Variants in GTF3C3 observed in about 807,000 individuals in gnomAD.
The protein encoded by GTF3C3 is general transcription factor IIIC subunit 3.
In GTF3C3, 75 loss-of-function variants were observed where a neutral mutation model predicts 105.2. The ratio of observed to expected loss-of-function variants is 0.71; its 90% CI spans 0.59 to 0.86. GTF3C3 has a LOEUF of 0.86. GTF3C3 is among the 40% of genes least tolerant of loss of function. The pLI, the probability that GTF3C3 is intolerant of heterozygous loss-of-function variation, is 0.00. For missense variants in GTF3C3, 856 were observed against 1,076.5 expected, an observed-to-expected ratio of 0.80 and a Z score of 2.87; for synonymous variants, 335 against 370.4, an observed-to-expected ratio of 0.90 and a Z score of 1.10.
intron 16 of GTF3C3, among the ~76,000 whole-genome samples, chr2:196,769,502 AG>A (rs1238985508): frequency 1.3e-5 from 2 of 152,238 alleles, no homozygotes; most frequent in Non-Finnish European, 2.9e-5. Context: ...AGAACCACAA[AG>A]AAAATTTTAA....
rs115269070 is a variant in GTF3C3 at position 196,780,908 on chromosome 2, C to T, written c.1115-246G>A. 0.032 allele frequency: 10,185 copies of T among 316,132 alleles called. 266 individuals are homozygous for T. Among genetic ancestry groups the T allele is most frequent in the Non-Finnish European group, 0.037 (6,419 of 174,960 alleles). 19.6% of individuals were successfully genotyped at this position (316,132 alleles called of 1,614,324 possible). ...TACTTTCACACCTTCTACTAAACTA[C>T]GGAGAACTAAAAAGACAAAAATAAT... On this transcript the variant is annotated intron_variant, in intron 8 of 17. Coordinates refer to ENST00000263956, the MANE Select transcript of GTF3C3 (RefSeq NM_012086.5).
chr2:196,765,283 A>C (rs1024737754), intron 17 of GTF3C3, among the ~76,000 whole-genome samples: 3 of 152,154 alleles, frequency 2.0e-5, no homozygotes, highest in Non-Finnish European at 4.4e-5. Context: ...CTATGTTTCT[A>C]ATCTTCCCCA....
At chr2:196,765,511 T>C (rs560639499) in intron 17 of GTF3C3, among the ~76,000 whole-genome samples, 34 of 151,308 alleles carry the variant, frequency 2.2e-4, no homozygotes, top group African/African-American at 7.5e-4. Context: ...GAGTAAACAA[T>C]AGTGTTTTTA....
At chr2:196,779,130 C>CA in intron 9 of GTF3C3, 63 bp from the exon 10 acceptor site, 24 of 1,037,408 alleles carry the variant, frequency 2.3e-5, no homozygotes, top group South Asian at 3.2e-5. Flanking sequence ...CTATCTATAG[C>CA]TTTTTTTTTT....
At chr2:196,769,046 A>G (rs1699122767) in intron 16 of GTF3C3, among the ~76,000 whole-genome samples, 1 of 152,190 alleles carries the variant, frequency 6.6e-6, no homozygotes, top group Non-Finnish European at 1.5e-5. Context: ...TTTGAGGAAA[A>G]GGTAGATAAG....
At chr2:196,785,660 T>C in intron 6 of GTF3C3, 72 bp from the exon 7 acceptor site, 1 of 851,960 alleles carries the variant, frequency 1.2e-6, no homozygotes, top group Non-Finnish European at 1.9e-6. Context: ...TTGCTTAGGC[T>C]ATCTAACAAT....
At chr2:196,793,413 C>T (rs1178240581) in intron 2 of GTF3C3, among the ~76,000 whole-genome samples, 1 of 152,052 alleles carries the variant, frequency 6.6e-6, no homozygotes, top group Non-Finnish European at 1.5e-5. Flanking sequence ...CAGAAGCACA[C>T]ACAATAATAC....
rs534526730 is a variant in GTF3C3, at chr2:196,763,885, G to A, written c.*678C>T. ...CTTATATTACTTGTGATCTTGAAAT[G>A]GAAACCATGTCCTGTTATTGAACAA... On this transcript the variant is annotated 3_prime_UTR_variant, in exon 18 of 18. Coordinates refer to ENST00000263956, the MANE Select transcript of GTF3C3 (RefSeq NM_012086.5). 4 of 152,094 alleles carry A rather than the reference G, an allele frequency of 2.6e-5. No homozygotes were observed. Among genetic ancestry groups the A allele is most frequent in the Non-Finnish European group, 5.9e-5 (4 of 68,008 alleles). 9.4% of individuals were successfully genotyped at this position (152,094 alleles called of 1,614,324 possible).
chr2:196,799,487 A>AC (rs1161282552), intron 1 of GTF3C3, 23 bp downstream of exon 1: 1 of 1,571,860 alleles, frequency 6.4e-7, no homozygotes, highest in Non-Finnish European at 8.8e-7. Context: ...AGTGAAGGGC[A>AC]CCGTGGCCTA....
At chr2:196,778,563 T>C in intron 10 of GTF3C3, 1 of 261,764 alleles carries the variant, frequency 3.8e-6, no homozygotes. Context: ...AATATAAATC[T>C]ATAAAAACTC....
At chr2:196,783,972 C>T (rs549537190) in intron 8 of GTF3C3, among the ~76,000 whole-genome samples, 6 of 152,304 alleles carry the variant, frequency 3.9e-5, no homozygotes, top group South Asian at 2.1e-4. Flanking sequence ...CCACATCTCA[C>T]CTTGGGCCTT....
chr2:196,770,088 T>C (rs1699145757), intron 15 of GTF3C3, 49 bp from the exon 16 acceptor site: 1 of 1,440,374 alleles, frequency 6.9e-7, no homozygotes, highest in Admixed American at 2.7e-5. Flanking sequence ...ACAGAGTTAT[T>C]TATTTCTTCA....
intron 5 of GTF3C3, 31 bp downstream of exon 5, chr2:196,789,847 TA>T: frequency 7.4e-7 from 1 of 1,353,848 alleles, no homozygotes; most frequent in Non-Finnish European, 1.0e-6. Flanking sequence ...TAACAGCTTG[TA>T]AAAGTGAAAA....
At chr2:196,781,440 T>G (rs1699361482) in intron 8 of GTF3C3, among the ~76,000 whole-genome samples, 1 of 143,838 alleles carries the variant, frequency 7.0e-6, no homozygotes, top group African/African-American at 2.5e-5. Flanking sequence ...GCTATTTACA[T>G]AGCATTTACA....
chr2:196,768,231 G>C (rs1467087919), intron 16 of GTF3C3, among the ~76,000 whole-genome samples: 2 of 135,882 alleles, frequency 1.5e-5, no homozygotes, highest in Admixed American at 6.8e-5. Context: ...TGGCCAGGCT[G>C]GTCTCAAACT....
Position 196,763,238 on chromosome 2 carries a change from G to A in GTF3C3, c.*1325C>T, listed in dbSNP as rs979292735. On this transcript the variant is annotated 3_prime_UTR_variant, in exon 18 of 18. Coordinates refer to ENST00000263956, the MANE Select transcript of GTF3C3 (RefSeq NM_012086.5). ...AAACAAAACTATACAATATCAGCTG[G>A]TTTTTTTTTCCCTTAGGGAGACTTA... 1.3e-5 allele frequency: 2 copies of A among 151,180 alleles called. No individual in the cohort carries two copies. The highest frequency in any genetic ancestry group is 2.4e-5 in the African/African-American group (1 of 41,106). 9.4% of individuals were successfully genotyped at this position (151,180 alleles called of 1,614,324 possible). A position where few individuals can be genotyped will look rare whatever the true frequency, so the allele number is the denominator to read the frequency against.
intron 5 of GTF3C3, 120 bp downstream of exon 5, chr2:196,789,757 AAC>A: frequency 4.8e-6 from 3 of 628,904 alleles, no homozygotes; most frequent in Non-Finnish European, 8.0e-6. Context: ...CCTCTAGAGC[AAC>A]ACACAATAGA....
At chr2:196,766,905 A>G (rs1378070811) in intron 16 of GTF3C3, 188 bp from the exon 17 acceptor site, 2 of 389,112 alleles carry the variant, frequency 5.1e-6, no homozygotes, top group Non-Finnish European at 9.1e-6. Flanking sequence ...AAGATGTAAG[A>G]ATTTTTTTTA....
In GTF3C3 at chr2:196,766,854, GTATT is replaced by G. The variant is rs776153347; in HGVS notation, c.2386-141_2386-138del. On this transcript the variant is annotated intron_variant, in intron 16 of 17. Transcript: ENST00000263956. ...CTGCTTAGTGTCCTATTACTGTGTAGTATTACAGTGTAGTTAGGTGTCAACATTA... is the reference window on the plus strand; with the variant it reads ...CTGCTTAGTGTCCTATTACTGTGTAGACAGTGTAGTTAGGTGTCAACATTA... 3,376 of 556,326 alleles carry G rather than the reference GTATT, an allele frequency of 6.1e-3. 16 individuals carry two copies. The highest frequency in any genetic ancestry group is 8.6e-3 in the Non-Finnish European group (2,766 of 321,490). 34.5% of individuals were successfully genotyped at this position (556,326 alleles called of 1,614,324 possible). A position where few individuals can be genotyped will look rare whatever the true frequency, so the allele number is the denominator to read the frequency against.
Sources: allele counts gnomAD v4.1 joint callset (sites outside exome capture counted in the v4.1 genomes callset), GRCh38; gene constraint gnomAD v4.1.1; transcripts MANE v1.5; gene names NCBI Gene and HGNC (gene_info 2026-07-23, HGNC 2026-07-21).